Variants in SRGAP3 observed in about 807,000 individuals in gnomAD.
The protein encoded by SRGAP3 is SLIT-ROBO Rho GTPase activating protein 3.
SRGAP3 carries 39 observed loss-of-function variants against 121.1 expected under a neutral mutation model. That is an observed-to-expected ratio of 0.32 (90% CI 0.25 to 0.42). The LOEUF (loss-of-function observed/expected upper bound fraction) is 0.42, where lower values mean the gene tolerates loss of function less well. SRGAP3 is among the 10% of genes least tolerant of loss of function. SRGAP3 has a pLI of 1.00. For synonymous variants in SRGAP3, 601 were observed against 570.0 expected, an observed-to-expected ratio of 1.05 and a Z score of -0.77; for missense variants, 1,213 against 1,470.6, an observed-to-expected ratio of 0.82 and a Z score of 2.86.
intron 1 of SRGAP3, among the ~76,000 whole-genome samples, chr3:9,341,296 A>G (rs1463904305): frequency 6.6e-6 from 1 of 152,148 alleles, no homozygotes; most frequent in Admixed American, 6.5e-5. Context: ...TTCCTAGAAC[A>G]GTTGCCTGAT....
chr3:9,013,367 G>A lies in SRGAP3; in HGVS notation c.2088C>T (p.Ser696=), dbSNP rs1215692449. Residue 696 remains serine, a synonymous_variant, in exon 17 of 22, where the codon AGC becomes AGT. Coordinates refer to ENST00000383836, the MANE Select transcript of SRGAP3 (RefSeq NM_014850.4). ...ACACAGGTCCCTCTAGCTCCCGGGG[G>A]CTGGGGAAGATGGCTTCATGATGGA... ...IIIHHEAIFP[S]PRELEGPVYE... The A allele has an allele frequency of 3.1e-6, 5 of 1,614,008 alleles. No homozygotes were observed. Among genetic ancestry groups the A allele is most frequent in the Non-Finnish European group, 4.2e-6 (5 of 1,180,038 alleles).
At chr3:9,346,194 T>C (rs952006955) in intron 1 of SRGAP3, among the ~76,000 whole-genome samples, 10 of 152,102 alleles carry the variant, frequency 6.6e-5, no homozygotes, top group African/African-American at 2.2e-4. Flanking sequence ...CAAGGATTTT[T>C]TTTTTTAGTA....
At chr3:9,042,250 G>A (rs1036270721) in intron 10 of SRGAP3, among the ~76,000 whole-genome samples, 2 of 152,110 alleles carry the variant, frequency 1.3e-5, no homozygotes, top group Admixed American at 1.3e-4. Context: ...GTGTATGTGT[G>A]TACTAACTCT....
At chr3:9,077,208 T>C (rs1947015306) in intron 4 of SRGAP3, among the ~76,000 whole-genome samples, 1 of 148,200 alleles carries the variant, frequency 6.7e-6, no homozygotes, top group Admixed American at 6.8e-5. Context: ...GTAAGACCAG[T>C]TTCTTTCATG....
At chr3:9,142,986 C>T (rs572205044) in intron 1 of SRGAP3, among the ~76,000 whole-genome samples, 1 of 151,894 alleles carries the variant, frequency 6.6e-6, no homozygotes, top group East Asian at 1.9e-4. Flanking sequence ...TATAGGCATG[C>T]ACCACCACAC....
chr3:9,242,587 A>G (rs1440325931), intron 1 of SRGAP3, among the ~76,000 whole-genome samples: 2 of 152,246 alleles, frequency 1.3e-5, no homozygotes, highest in Non-Finnish European at 2.9e-5. Context: ...GTGAGCCAAG[A>G]TCGTGCCACT....
chr3:9,334,299 G>A (rs1342506257), intron 1 of SRGAP3, among the ~76,000 whole-genome samples: 1 of 152,022 alleles, frequency 6.6e-6, no homozygotes, highest in Non-Finnish European at 1.5e-5. Flanking sequence ...ATTCAGCCAG[G>A]TCCTGTGCTA....
intron 14 of SRGAP3, among the ~76,000 whole-genome samples, chr3:9,020,291 A>C (rs1388481862): frequency 6.6e-6 from 1 of 150,858 alleles, no homozygotes; most frequent in Non-Finnish European, 1.5e-5. Flanking sequence ...CCTTCCTTTC[A>C]TCCTTTACAG....
chr3:9,250,146 C>G (rs1283038681), upstream of SRGAP3, among the ~76,000 whole-genome samples: 1 of 152,176 alleles, frequency 6.6e-6, no homozygotes, highest in African/African-American at 2.4e-5. Flanking sequence ...TTGTGGGGCT[C>G]TGGGCAAATT....
Position 8,990,720 on chromosome 3 carries a change from G to T in SRGAP3, c.2678C>A (p.Pro893His). Residue 893 changes from proline (P) to histidine (H), a missense_variant, in exon 21 of 22, where the codon CCC becomes CAC. By Grantham distance (77) the Pro-to-His change is moderately conservative (BLOSUM62 -2). Coordinates refer to ENST00000383836, the MANE Select transcript of SRGAP3 (RefSeq NM_014850.4). ...IDTPPRAAAC[P>H]SSPHKIPLTR... ...GAGGGGGATTTTGTGGGGGCTGCTG[G>T]GGCAGGCAGCAGCCCGGGGTGGTGT... The T allele has an allele frequency of 6.2e-7, 1 of 1,612,404 alleles. No homozygotes were observed. The highest frequency in any genetic ancestry group is 8.5e-7 in the Non-Finnish European group (1 of 1,179,554).
chr3:9,286,984 C>CTT (rs1433896598), intron 3 of SRGAP3, among the ~76,000 whole-genome samples: 12 of 103,192 alleles, frequency 1.2e-4, no homozygotes, highest in Non-Finnish European at 2.4e-4. Context: ...CACACTGACA[C>CTT]TCTTTTTTTT....
In SRGAP3 at chr3:8,984,089, G is replaced by A. The variant is rs1382286456; in HGVS notation, c.*1430C>T. On this transcript the variant is annotated 3_prime_UTR_variant, in exon 22 of 22. Transcript: ENST00000383836. ...AGAGCGACCCGGAAGGGCTTTACTTGGCCAAGAGGCAAAGGCCTGGCTGTC... is the reference window on the plus strand; with the variant it reads ...AGAGCGACCCGGAAGGGCTTTACTTAGCCAAGAGGCAAAGGCCTGGCTGTC... 2 of 232,070 alleles carry A rather than the reference G, an allele frequency of 8.6e-6. No homozygotes were observed. The highest frequency in any genetic ancestry group is 1.7e-5 in the Non-Finnish European group (2 of 117,390). 14.4% of individuals were successfully genotyped at this position (232,070 alleles called of 1,614,324 possible). A position where few individuals can be genotyped will look rare whatever the true frequency, so the allele number is the denominator to read the frequency against.
At chr3:9,148,042 A>G (rs1164421934) in intron 1 of SRGAP3, among the ~76,000 whole-genome samples, 1 of 152,194 alleles carries the variant, frequency 6.6e-6, no homozygotes, top group Non-Finnish European at 1.5e-5. Flanking sequence ...CTTCCTCCAA[A>G]GCCAGTGAGA....
At chr3:9,201,166 A>G (rs1952057689) in intron 1 of SRGAP3, among the ~76,000 whole-genome samples, 1 of 152,214 alleles carries the variant, frequency 6.6e-6, no homozygotes, top group Non-Finnish European at 1.5e-5. Context: ...ACAACAGACC[A>G]GACATGAAGG....
chr3:9,030,954 T>A (rs1944452318), intron 12 of SRGAP3, among the ~76,000 whole-genome samples: 1 of 152,186 alleles, frequency 6.6e-6, no homozygotes, highest in East Asian at 1.9e-4. Flanking sequence ...GAACTTCTTT[T>A]TTTTTGTTGT....
chr3:9,068,128 A>G (rs2125223838), intron 4 of SRGAP3, among the ~76,000 whole-genome samples: 1 of 152,202 alleles, frequency 6.6e-6, no homozygotes, highest in Non-Finnish European at 1.5e-5. Context: ...TCTGCGTTCA[A>G]TGATTCCTGC....
At chr3:9,126,739 C>T (rs147589798) in intron 1 of SRGAP3, among the ~76,000 whole-genome samples, 182 of 149,280 alleles carry the variant, frequency 1.2e-3, no homozygotes, top group African/African-American at 4.3e-3. Context: ...CTTGGATGTA[C>T]AGTGTGGAAT....
chr3:9,111,168 G>T (rs1192965175), intron 2 of SRGAP3, among the ~76,000 whole-genome samples: 1 of 152,250 alleles, frequency 6.6e-6, no homozygotes, highest in East Asian at 1.9e-4. Flanking sequence ...AGACAGTCTG[G>T]TGAAGAGACA....
intron 4 of SRGAP3, among the ~76,000 whole-genome samples, chr3:9,078,872 C>G (rs1035827335): frequency 6.6e-6 from 1 of 152,190 alleles, no homozygotes; most frequent in Non-Finnish European, 1.5e-5. Context: ...CAACTTTTAT[C>G]TAAGAACTCT....
Sources: gnomAD v4.1 joint callset for allele counts (sites outside exome capture counted in the v4.1 genomes callset) on GRCh38, gnomAD v4.1.1 for gene constraint, MANE v1.5 for transcripts, NCBI Gene and HGNC (gene_info 2026-07-23, HGNC 2026-07-21) for gene names.